The following SYT1 variants were observed in gnomAD, a reference collection of about 807,000 sequenced individuals.
SYT1 encodes synaptotagmin-1.
SYT1 carries 8 observed loss-of-function variants against 44.8 expected under a neutral mutation model. That is an observed-to-expected ratio of 0.18 (90% CI 0.10 to 0.32). The LOEUF (loss-of-function observed/expected upper bound fraction) is 0.32. Ranked by LOEUF, SYT1 falls within the 10% of genes least tolerant of loss-of-function variation. The pLI is 1.00. For synonymous variants in SYT1, 154 were observed against 188.8 expected (o/e 0.82, Z 1.51); for missense variants, 286 against 509.3 (o/e 0.56, Z 4.22).
chr12:79,292,253 C>T (rs967864579), intron 6 of SYT1, 123 bp downstream of exon 6: 13 of 1,182,144 alleles, frequency 1.1e-5, no homozygotes, highest in Non-Finnish European at 1.5e-5. Context: ...ATTATCAAAG[C>T]TATGGATGAA....
At chr12:79,376,147 G>C (rs2136060562) in intron 9 of SYT1, among the ~76,000 whole-genome samples, 1 of 152,278 alleles carries the variant, frequency 6.6e-6, no homozygotes, top group East Asian at 1.9e-4. Context: ...TTACAGGAAA[G>C]GGGTCCCAAT....
At chr12:79,444,346 C>A in intron 10 of SYT1, 140 bp downstream of exon 10, 2 of 1,078,398 alleles carry the variant, frequency 1.9e-6, no homozygotes, top group Non-Finnish European at 2.7e-6. Context: ...ACATTTGATG[C>A]TTGAGCTACA....
At chr12:79,036,851 C>A (rs1873167581) in intron 2 of SYT1, among the ~76,000 whole-genome samples, 1 of 151,660 alleles carries the variant, frequency 6.6e-6, no homozygotes, top group Admixed American at 6.6e-5. Flanking sequence ...ATAAACGGAC[C>A]TGTATGCAGA....
chr12:79,371,390 T>C (rs1483386305), intron 9 of SYT1, among the ~76,000 whole-genome samples: 1 of 152,194 alleles, frequency 6.6e-6, no homozygotes, highest in Non-Finnish European at 1.5e-5. Flanking sequence ...ATCAGTTGAC[T>C]CACAATGAAT....
chr12:78,871,998 CTG>C, intron 1 of SYT1, among the ~76,000 whole-genome samples: 1 of 151,988 alleles, frequency 6.6e-6, no homozygotes, highest in South Asian at 2.1e-4. Flanking sequence ...TTTTATCTGT[CTG>C]TGTACAGGAA....
Position 78,931,179 on chromosome 12 carries a change from A to AAGAAAGAGAG in SYT1, c.-216-46619_-216-46618insGAAAGAGAGA, listed in dbSNP as rs1555181905. ...GTCTGTGGAAAGAAAGAAAGAAAGA[A>AAGAAAGAGAG]AAAGAAAGAAAGAAAGAAAGAAAGA... On this transcript the variant is annotated intron_variant, in intron 1 of 10. Transcript: ENST00000261205. 1.3e-3 allele frequency among the ~76,000 whole-genome samples: 79 copies of AAGAAAGAGAG among 59,874 alleles called. 2 individuals carry two copies. Among genetic ancestry groups the AAGAAAGAGAG allele is most frequent in the Non-Finnish European group, 1.8e-3 (62 of 33,806 alleles). 39.3% of individuals were successfully genotyped at this position (59,874 alleles called of 152,430 possible). A position where few individuals can be genotyped will look rare whatever the true frequency, so the allele number is the denominator to read the frequency against.
intron 3 of SYT1, among the ~76,000 whole-genome samples, chr12:79,123,960 T>C (rs1475721473): frequency 6.6e-6 from 1 of 152,226 alleles, no homozygotes; most frequent in African/African-American, 2.4e-5. Flanking sequence ...TGCTTCTGTT[T>C]TGTTATTGCT....
intron 1 of SYT1, among the ~76,000 whole-genome samples, chr12:78,902,975 C>A: frequency 6.6e-6 from 1 of 152,090 alleles, no homozygotes; most frequent in East Asian, 1.9e-4. Flanking sequence ...TATTCAAACT[C>A]TACTAACGTA....
intron 9 of SYT1, among the ~76,000 whole-genome samples, chr12:79,363,552 C>T (rs898667494): frequency 1.3e-5 from 2 of 149,412 alleles, no homozygotes; most frequent in Admixed American, 6.7e-5. Context: ...TAGTGGGACC[C>T]CCATCTCTAC....
chr12:78,965,767 C>T (rs1357652800), intron 1 of SYT1, among the ~76,000 whole-genome samples: 1 of 151,974 alleles, frequency 6.6e-6, no homozygotes, highest in East Asian at 1.9e-4. Context: ...TGCGTGGAGC[C>T]TAGTAAATCA....
chr12:79,253,522 TC>T (rs1444514242), intron 4 of SYT1, among the ~76,000 whole-genome samples: 73 of 127,774 alleles, frequency 5.7e-4, no homozygotes, highest in African/African-American at 7.1e-4. Context: ...TCTCTCTCTC[TC>T]TCACCTCAGA....
intron 3 of SYT1, among the ~76,000 whole-genome samples, chr12:79,213,321 T>A (rs1426944201): frequency 6.6e-6 from 1 of 152,174 alleles, no homozygotes; most frequent in African/African-American, 2.4e-5. Flanking sequence ...AGGATTATAT[T>A]GGATACTTGT....
intron 9 of SYT1, among the ~76,000 whole-genome samples, chr12:79,437,192 G>A (rs948758382): frequency 1.3e-5 from 2 of 152,094 alleles, no homozygotes; most frequent in African/African-American, 4.8e-5. Context: ...GTGGAGTTTG[G>A]ATTTTTTTAG....
At chr12:79,053,859 G>A (rs1432808771) in intron 3 of SYT1, among the ~76,000 whole-genome samples, 5 of 151,746 alleles carry the variant, frequency 3.3e-5, no homozygotes, top group Admixed American at 1.3e-4. Context: ...TTTGCTTTAG[G>A]CAATAATGAT....
chr12:79,259,653 G>A (rs1877721741), intron 4 of SYT1, among the ~76,000 whole-genome samples: 2 of 152,168 alleles, frequency 1.3e-5, no homozygotes, highest in Non-Finnish European at 2.9e-5. Flanking sequence ...AGGATCTCTT[G>A]AGCCTGGAAG....
At chr12:79,321,872 A>G (rs1304983781) in intron 8 of SYT1, among the ~76,000 whole-genome samples, 1 of 152,200 alleles carries the variant, frequency 6.6e-6, no homozygotes, top group Non-Finnish European at 1.5e-5. Flanking sequence ...TGTAATTTCT[A>G]TAGGAAGATA....
At chr12:79,122,194 A>G (rs1311455677) in intron 3 of SYT1, among the ~76,000 whole-genome samples, 1 of 152,198 alleles carries the variant, frequency 6.6e-6, no homozygotes, top group Non-Finnish European at 1.5e-5. Flanking sequence ...AAAATATGAA[A>G]TTCCTTTGAA....
At chr12:79,062,911 A>G (rs899619483) in intron 3 of SYT1, among the ~76,000 whole-genome samples, 12 of 152,168 alleles carry the variant, frequency 7.9e-5, no homozygotes, top group African/African-American at 2.9e-4. Context: ...AGGTATCATT[A>G]AACCATTTAC....
chr12:79,307,653 G>A (rs1880472593), intron 8 of SYT1, among the ~76,000 whole-genome samples: 2 of 151,972 alleles, frequency 1.3e-5, no homozygotes, highest in Admixed American at 1.3e-4. Flanking sequence ...GGGGCGGCAG[G>A]AGGAGCCCGA....
Sources: allele counts gnomAD v4.1 joint callset (sites outside exome capture counted in the v4.1 genomes callset), GRCh38; gene constraint gnomAD v4.1.1; transcripts MANE v1.5; gene names NCBI Gene and HGNC (gene_info 2026-07-23, HGNC 2026-07-21).